Variants in SP4 observed in about 807,000 individuals in gnomAD.
SP4 encodes Sp4 transcription factor, also known as transcription factor Sp4.
SP4 carries 19 observed loss-of-function variants against 72.8 expected under a neutral mutation model. The observed-to-expected ratio is 0.26, with a 90% CI of 0.18 to 0.38. The LOEUF is 0.38. Ranked by LOEUF, SP4 falls within the 10% of genes least tolerant of loss-of-function variation. The pLI is 1.00. For synonymous variants in SP4, 395 were observed against 333.1 expected (o/e 1.19, Z -2.02); for missense variants, 1,008 against 926.3 (o/e 1.09, Z -1.14).
At chr7:21,438,486 C>A (rs1356603925) in intron 3 of SP4, among the ~76,000 whole-genome samples, 1 of 152,008 alleles carries the variant, frequency 6.6e-6, no homozygotes, top group Non-Finnish European at 1.5e-5. Context: ...TCTGTTCATT[C>A]TTAAATTTAC....
intron 3 of SP4, among the ~76,000 whole-genome samples, chr7:21,454,974 A>G (rs1392754750): frequency 6.6e-6 from 1 of 152,182 alleles, no homozygotes; most frequent in Admixed American, 6.5e-5. Context: ...CAGCTTTTGA[A>G]CCCAAAAGGG....
chr7:21,451,349 G>A (rs1783594795), intron 3 of SP4, among the ~76,000 whole-genome samples: 1 of 152,160 alleles, frequency 6.6e-6, no homozygotes, highest in South Asian at 2.1e-4. Flanking sequence ...TAGAGCGACA[G>A]TTTAACAACT....
At chr7:21,485,104 G>A (rs1784777857) in intron 5 of SP4, among the ~76,000 whole-genome samples, 1 of 151,802 alleles carries the variant, frequency 6.6e-6, no homozygotes, top group African/African-American at 2.4e-5. Context: ...AGATTTAACA[G>A]AGTAACTCCT....
intron 5 of SP4, among the ~76,000 whole-genome samples, chr7:21,483,357 C>T (rs1784737957): frequency 6.6e-6 from 1 of 151,708 alleles, no homozygotes; most frequent in Non-Finnish European, 1.5e-5. Flanking sequence ...TACCTTTTGT[C>T]ATATGGAAGT....
rs767562903 is a variant in SP4 at position 21,430,503 on chromosome 7, T to G, written c.1338T>G (p.Leu446=). ...AGCAGCCTTTACAGAATGTTCAACT[T>G]CAAGCAGTAAATCCGACTCAGGTGC... ...IQQQPLQNVQ[L]QAVNPTQVLI... The change falls in exon 3 of 6, where the codon CTT becomes CTG. Residue 446 remains leucine, a synonymous_variant. Transcript: ENST00000222584. 4 of 1,614,190 alleles carry G rather than the reference T, an allele frequency of 2.5e-6. No homozygotes were observed. The South Asian group carries it at 4.4e-5, about 18-fold the overall frequency.
Position 21,430,216 on chromosome 7 carries a change from T to A in SP4, c.1051T>A (p.Ser351Thr). 6.2e-7 allele frequency: 1 copy of A among 1,614,172 alleles called. No homozygotes were observed. The highest frequency in any genetic ancestry group is 2.2e-5 in the East Asian group (1 of 44,892). The change falls in exon 3 of 6, where the codon TCA becomes ACA. Residue 351 changes from serine to threonine, a missense_variant. Ser to Thr is a moderately conservative substitution (Grantham distance 58). Around this residue, in one of 3 missense-constraint regions of SP4, gnomAD observed 893 missense variants for 743.3 expected, o/e 1.20. Coordinates refer to ENST00000222584, the MANE Select transcript of SP4 (RefSeq NM_003112.5). ...AGATACTGGCCAGTATGCAAGCACA[T>A]CAGCCAGTAGTTCTGAACGCACCAT... ...SADTGQYAST[S>T]ASSSERTIEE...
At position 21,429,820 on chromosome 7, in the gene SP4, A is replaced by T; in HGVS notation, c.655A>T (p.Ile219Phe). Residue 219 changes from isoleucine (I) to phenylalanine (F), a missense_variant, in exon 3 of 6, where the codon ATT (isoleucine) becomes TTT (phenylalanine). Physicochemically the swap from Ile to Phe is conservative, Grantham distance 21. This residue lies in a region of SP4 where 893 missense variants were observed against 743.3 expected (regional missense o/e 1.20). Transcript: ENST00000222584. ...TGCTAACAGGACAGCTTCTGGGAAT[A>T]TTCTTGCTCAAAACCTGGCAAATCA... is the stretch of plus-strand genomic sequence containing the variant. ...TAANRTASGN[I>F]LAQNLANQTV... 6.2e-7 allele frequency: 1 copy of T among 1,614,224 alleles called. No homozygotes were observed. The highest frequency in any genetic ancestry group is 1.1e-5 in the South Asian group (1 of 91,088).
intron 5 of SP4, among the ~76,000 whole-genome samples, chr7:21,502,093 G>C (rs1781884923): frequency 8.0e-6 from 1 of 124,794 alleles, no homozygotes; most frequent in Non-Finnish European, 1.6e-5. Context: ...GGGATCAAAA[G>C]ATACGTCAAA....
chr7:21,465,652 A>ATTT, intron 3 of SP4, among the ~76,000 whole-genome samples: 1 of 152,312 alleles, frequency 6.6e-6, no homozygotes, highest in African/African-American at 2.4e-5. Context: ...CCTACCCTAG[A>ATTT]AAGTCCCTTC....
At chr7:21,444,773 G>A (rs1194580865) in intron 3 of SP4, among the ~76,000 whole-genome samples, 3 of 152,170 alleles carry the variant, frequency 2.0e-5, no homozygotes, top group South Asian at 2.1e-4. Flanking sequence ...ACTTGGCCAA[G>A]ATCATATAGC....
chr7:21,483,250 T>A (rs1784736077), intron 5 of SP4, among the ~76,000 whole-genome samples: 1 of 152,028 alleles, frequency 6.6e-6, no homozygotes, highest in African/African-American at 2.4e-5. Flanking sequence ...ATTCTGGTTC[T>A]CATTTTTTCT....
At chr7:21,510,320 C>T (rs1782108540) in intron 5 of SP4, among the ~76,000 whole-genome samples, 1 of 152,042 alleles carries the variant, frequency 6.6e-6, no homozygotes, top group Non-Finnish European at 1.5e-5. Context: ...TTTGATATGC[C>T]TCATTTATTA....
rs116374472 is a variant in SP4, at chr7:21,479,173, C to G, written c.1907+1866C>G. Among the ~76,000 whole-genome samples the G allele has an allele frequency of 7.9e-3, 1,194 of 150,934 alleles. 19 individuals carry two copies. The highest frequency in any genetic ancestry group is 0.028 in the African/African-American group (1,152 of 41,256). ...TGCACCAAAGTTTTAATTTTGAAGT[C>G]TAGAGTTTTCTATTTTCCTTTATTG... On this transcript the variant is annotated intron_variant, in intron 4 of 5. Coordinates refer to ENST00000222584, the MANE Select transcript of SP4 (RefSeq NM_003112.5).
At chr7:21,496,682 T>A (rs1781717206) in intron 5 of SP4, among the ~76,000 whole-genome samples, 1 of 148,328 alleles carries the variant, frequency 6.7e-6, no homozygotes, top group South Asian at 2.2e-4. Flanking sequence ...TATTTATTTA[T>A]TTTTTTTTCA....
chr7:21,480,140 C>T, intron 4 of SP4, among the ~76,000 whole-genome samples: 1 of 152,030 alleles, frequency 6.6e-6, no homozygotes, highest in East Asian at 1.9e-4. Flanking sequence ...TGTCTGGAAC[C>T]TCTGGTACAA....
chr7:21,461,519 G>A (rs563988108), intron 3 of SP4, among the ~76,000 whole-genome samples: 6 of 152,298 alleles, frequency 3.9e-5, no homozygotes, highest in Admixed American at 3.9e-4. Context: ...AGGGCCGGCC[G>A]GCAGGCCAGC....
At chr7:21,430,949 A>T in intron 3 of SP4, 106 bp downstream of exon 3, 1 of 780,086 alleles carries the variant, frequency 1.3e-6, no homozygotes, top group Non-Finnish European at 2.0e-6. Flanking sequence ...AAGTAAACAC[A>T]CAATCATAAG....
At chr7:21,428,617 GAAT>G (rs1219063289) in intron 1 of SP4, 57 bp from the exon 2 acceptor site, 12 of 1,457,854 alleles carry the variant, frequency 8.2e-6, no homozygotes, top group East Asian at 5.0e-5. Context: ...GGAAGAAGAC[GAAT>G]AATAATAATC....
chr7:21,432,334 T>C (rs1782888511), intron 3 of SP4, among the ~76,000 whole-genome samples: 1 of 152,236 alleles, frequency 6.6e-6, no homozygotes, highest in African/African-American at 2.4e-5. Flanking sequence ...TGACAATAAT[T>C]GTAGTATTTC....
Sources: gnomAD v4.1 joint callset for allele counts (sites outside exome capture counted in the v4.1 genomes callset) on GRCh38, gnomAD v4.1.1 for gene constraint, gnomAD v4.1.1 regional missense constraint, MANE v1.5 for transcripts, NCBI Gene and HGNC (gene_info 2026-07-23, HGNC 2026-07-21) for gene names.